EFCAB8: variants seen among roughly 807,000 people sequenced by gnomAD.
EFCAB8 encodes EF-hand calcium binding domain 8.
Under a neutral mutation model 116.3 loss-of-function variants are expected in EFCAB8, and 100 were observed. That is an observed-to-expected ratio of 0.86 (90% CI 0.73 to 1.02). The LOEUF (loss-of-function observed/expected upper bound fraction) is 1.02, where lower values mean the gene tolerates loss of function less well. EFCAB8 is among the 50% of genes least tolerant of loss of function. The pLI is 0.00. For missense variants in EFCAB8, 1,320 were observed against 1,416.9 expected (o/e 0.93, Z 1.10); for synonymous variants, 558 against 567.9 (o/e 0.98, Z 0.25).
intron 26 of EFCAB8, 116 bp downstream of exon 26, chr20:32,960,277 T>A: frequency 1.0e-6 from 1 of 969,736 alleles, no homozygotes; most frequent in Non-Finnish European, 1.6e-6. Flanking sequence ...GACAGGAGCC[T>A]TTGTCCTTTA....
intron 20 of EFCAB8, among the ~76,000 whole-genome samples, chr20:32,930,131 T>C (rs1254909814): frequency 1.3e-5 from 2 of 152,200 alleles, no homozygotes; most frequent in African/African-American, 4.8e-5. Flanking sequence ...TTATTGATCA[T>C]GTATTATGTG....
At chr20:32,882,311 C>G (rs979472679) in intron 5 of EFCAB8, among the ~76,000 whole-genome samples, 2 of 152,186 alleles carry the variant, frequency 1.3e-5, no homozygotes, top group Non-Finnish European at 1.5e-5. Context: ...CGTCCATTCA[C>G]TTTGAAACTG....
At chr20:32,863,225 C>G (rs1011182225) in intron 1 of EFCAB8, among the ~76,000 whole-genome samples, 5 of 152,104 alleles carry the variant, frequency 3.3e-5, no homozygotes, top group African/African-American at 1.2e-4. Context: ...AAGACCCTAA[C>G]AAAACGCTGT....
At chr20:32,863,542 ACTC>A (rs1385867206) in intron 1 of EFCAB8, among the ~76,000 whole-genome samples, 6 of 151,984 alleles carry the variant, frequency 3.9e-5, no homozygotes, top group African/African-American at 1.4e-4. Context: ...CTGCAGGACA[ACTC>A]CTCTCTATCA....
intron 23 of EFCAB8, among the ~76,000 whole-genome samples, chr20:32,958,183 G>T (rs979354501): frequency 6.6e-6 from 1 of 152,154 alleles, no homozygotes; most frequent in Non-Finnish European, 1.5e-5. Context: ...CACATGTGGG[G>T]CAGGATGCTT....
chr20:32,956,877 T>C (rs923830126), intron 23 of EFCAB8, among the ~76,000 whole-genome samples: 3 of 151,940 alleles, frequency 2.0e-5, no homozygotes, highest in African/African-American at 7.2e-5. Flanking sequence ...CTCCTCTCAT[T>C]GTGGGGGTAC....
At chr20:32,860,738 T>A (rs1358121113) in intron 1 of EFCAB8, among the ~76,000 whole-genome samples, 6 of 151,488 alleles carry the variant, frequency 4.0e-5, no homozygotes, top group Admixed American at 6.6e-5. Flanking sequence ...TTGGTTTTTT[T>A]ATTTATTTAT....
chr20:32,958,694 G>C (rs1050486537), intron 24 of EFCAB8, 144 bp downstream of exon 24: 1 of 395,022 alleles, frequency 2.5e-6, no homozygotes, highest in Non-Finnish European at 4.5e-6. Context: ...AGGCTTGAGG[G>C]TTGCAGGCAG....
intron 22 of EFCAB8, among the ~76,000 whole-genome samples, chr20:32,936,014 ATTTATTTTTATT>A (rs567827010): frequency 1.3e-4 from 19 of 151,512 alleles, no homozygotes; most frequent in African/African-American, 3.6e-4. Flanking sequence ...TTTTGCTTTT[ATTTATTTTTATT>A]TTTATTTTTA....
At chr20:32,884,500 G>A (rs1460882590) in intron 5 of EFCAB8, among the ~76,000 whole-genome samples, 1 of 152,218 alleles carries the variant, frequency 6.6e-6, no homozygotes, top group Non-Finnish European at 1.5e-5. Context: ...AGAGCCATGG[G>A]CTGAGGATAG....
chr20:32,869,708 C>T (rs1345968100), intron 3 of EFCAB8, among the ~76,000 whole-genome samples: 1 of 152,066 alleles, frequency 6.6e-6, no homozygotes, highest in Admixed American at 6.5e-5. Flanking sequence ...ATGGGGGCTG[C>T]TTAAGTCTCT....
intron 11 of EFCAB8, among the ~76,000 whole-genome samples, chr20:32,900,963 A>G (rs1009710064): frequency 6.6e-6 from 1 of 152,176 alleles, no homozygotes; most frequent in Non-Finnish European, 1.5e-5. Context: ...CGGCCTCCCA[A>G]AGTGCTGGGA....
chr20:32,911,765 T>C, intron 16 of EFCAB8, 58 bp downstream of exon 16: 2 of 1,494,930 alleles, frequency 1.3e-6, no homozygotes, highest in Non-Finnish European at 1.8e-6. Context: ...AAAGCACAGC[T>C]CCTTTGACCC....
At chr20:32,863,903 C>T (rs916393537) in intron 2 of EFCAB8, 69 bp downstream of exon 2, 1 of 1,514,682 alleles carries the variant, frequency 6.6e-7, no homozygotes, top group African/African-American at 1.4e-5. Flanking sequence ...CCTCACTTAC[C>T]AGCATGGAAG....
intron 22 of EFCAB8, among the ~76,000 whole-genome samples, chr20:32,935,647 C>T (rs1284772687): frequency 6.6e-6 from 1 of 152,024 alleles, no homozygotes; most frequent in African/African-American, 2.4e-5. Context: ...GGTGGGATTA[C>T]AGGCATGCGC....
chr20:32,928,525 G>A (rs895833006), intron 20 of EFCAB8, among the ~76,000 whole-genome samples: 8 of 152,088 alleles, frequency 5.3e-5, no homozygotes, highest in Non-Finnish European at 1.0e-4. Flanking sequence ...ATGAGCCACC[G>A]CACCCAGCCA....
Position 32,943,790 on chromosome 20 carries a change from C to A in EFCAB8, c.2945C>A (p.Ser982Tyr), listed in dbSNP as rs909959784. 2.4e-6 allele frequency: 1 copy of A among 416,910 alleles called. No homozygotes were observed. Among genetic ancestry groups the A allele is most frequent in the South Asian group, 1.3e-4 (1 of 7,940 alleles). The allele number at this position is 416,910 out of a possible 1,614,324, so 25.8% of individuals were successfully genotyped here. ...CGGGACGTCAAGGCTTGGAAACTCT[C>A]CGGTGATGCCATTGGTATGGGTCCT... ...QDRDVKAWKL[S>Y]GDAIGTFGLS... The change falls in exon 23 of 27, where the codon TCC (serine) becomes TAC (tyrosine). Residue 982 changes from serine to tyrosine, a missense_variant. Coordinates refer to ENST00000400522, the MANE Select transcript of EFCAB8 (RefSeq NM_001143967.2).
At position 32,896,528 on chromosome 20, in the gene EFCAB8, G is replaced by A. The variant is rs767416379; in HGVS notation, c.957+1G>A. The A allele has an allele frequency of 4.2e-6, 3 of 718,684 alleles. No homozygotes were observed. The highest frequency in any genetic ancestry group is 1.7e-5 in the African/African-American group (1 of 57,220). 44.5% of individuals were successfully genotyped at this position (718,684 alleles called of 1,614,324 possible). ...TTTGCATAGAAGCTACCGGCTGAAGGTGAGTTTTTTCTTTCCTTGGCCTGT... is the reference window on the plus strand; with the variant it reads ...TTTGCATAGAAGCTACCGGCTGAAGATGAGTTTTTTCTTTCCTTGGCCTGT... On this transcript the variant is annotated splice_donor_variant, in intron 10 of 26. Transcript: ENST00000400522. LOFTEE classifies it high-confidence loss of function.
In EFCAB8 at chr20:32,961,464, C is replaced by G. The variant is rs181667994; in HGVS notation, c.3722C>G (p.Pro1241Arg). The G allele has an allele frequency of 6.9e-7, 1 of 1,451,780 alleles. No individual in the cohort carries two copies. Among genetic ancestry groups the G allele is most frequent in the East Asian group, 2.5e-5 (1 of 39,898 alleles). 89.9% of individuals were successfully genotyped at this position (1,451,780 alleles called of 1,614,324 possible). A position where few individuals can be genotyped will look rare whatever the true frequency, so the allele number is the denominator to read the frequency against. The change falls in exon 27 of 27, where the codon CCC becomes CGC. Residue 1241 changes from proline (P) to arginine (R), a missense_variant. Pro to Arg is a moderately radical substitution (Grantham distance 103, BLOSUM62 -2). Transcript: ENST00000400522. Reference protein sequence around the residue: ...PQSASTAHSTPSVPSPVSKST... With the variant: ...PQSASTAHSTRSVPSPVSKST... The stretch of plus-strand genomic sequence containing the variant: ...TCAGCCTCCACAGCCCATTCCACCC[C>G]CTCGGTCCCATCCCCGGTGTCCAAG...
Sources: allele counts gnomAD v4.1 joint callset (sites outside exome capture counted in the v4.1 genomes callset), GRCh38; gene constraint gnomAD v4.1.1; transcripts MANE v1.5; gene names NCBI Gene and HGNC (gene_info 2026-07-23, HGNC 2026-07-21).